The following TMEM43 variants were observed in gnomAD, a reference collection of about 807,000 sequenced individuals.
The protein encoded by TMEM43 is arrhythmogenic right ventricular dysplasia 5.
TMEM43 carries 45 observed loss-of-function variants against 49.6 expected under a neutral mutation model. That is an observed-to-expected ratio of 0.91 (90% CI 0.71 to 1.16). The LOEUF (loss-of-function observed/expected upper bound fraction) is 1.16. Among genes scored for constraint, TMEM43 ranks in the 50% most tolerant of loss-of-function variants. The pLI, the probability that TMEM43 is intolerant of heterozygous loss-of-function variation, is 0.00. For missense variants in TMEM43, 532 were observed against 516.6 expected (o/e 1.03, Z -0.29); for synonymous variants, 199 against 207.8 (o/e 0.96, Z 0.36).
intron 11 of TMEM43, among the ~76,000 whole-genome samples, chr3:14,140,710 G>A (rs1695235767): frequency 6.6e-6 from 1 of 152,206 alleles, no homozygotes; most frequent in Non-Finnish European, 1.5e-5. Context: ...TTACAGGGTG[G>A]GCATGAGTGC....
At chr3:14,131,070 C>A in intron 3 of TMEM43, 114 bp downstream of exon 3, 3 of 1,324,128 alleles carry the variant, frequency 2.3e-6, no homozygotes, top group Non-Finnish European at 3.1e-6. Context: ...GGGAGTGATT[C>A]CCGACTTTAC....
intron 3 of TMEM43, 149 bp downstream of exon 3, chr3:14,131,105 C>G: frequency 1.0e-6 from 1 of 986,694 alleles, no homozygotes; most frequent in East Asian, 2.6e-5. Flanking sequence ...GTGGACTTGT[C>G]TATCCTGAGT....
At chr3:14,139,382 C>G in intron 11 of TMEM43, 85 bp downstream of exon 11, 1 of 971,144 alleles carries the variant, frequency 1.0e-6, no homozygotes, top group Non-Finnish European at 1.7e-6. Flanking sequence ...GCCCTTCCAG[C>G]CTGATGGGAT....
chr3:14,128,710 G>C (rs534470055), intron 1 of TMEM43: 15 of 282,720 alleles, frequency 5.3e-5, no homozygotes, highest in South Asian at 4.7e-4. Context: ...TTGTAAAATA[G>C]CTTGGCAGTT....
chr3:14,128,856 C>A, intron 1 of TMEM43: 1 of 435,372 alleles, frequency 2.3e-6, no homozygotes, highest in Non-Finnish European at 4.6e-6. Context: ...TCATAACAGC[C>A]AAAACCTGGA....
chr3:14,132,908 A>G lies in TMEM43; in HGVS notation c.485A>G (p.Asp162Gly), dbSNP rs1312639832. The G allele has an allele frequency of 1.2e-6, 2 of 1,614,024 alleles. No individual in the cohort carries two copies. Among genetic ancestry groups the G allele is most frequent in the Non-Finnish European group, 1.7e-6 (2 of 1,179,948 alleles). The change falls in exon 6 of 12, where the codon GAC becomes GGC. Residue 162 changes from aspartate to glycine, a missense_variant. Physicochemically the swap from Asp to Gly is moderately conservative, Grantham distance 94. Transcript: ENST00000306077. ...GAAATCATCAACAGCAAAAACTTCG[A>G]CCGAGAGATTGGCCACAAAAACCCC... ...RSEIINSKNF[D>G]REIGHKNPSA...
intron 1 of TMEM43, among the ~76,000 whole-genome samples, chr3:14,127,228 A>G (rs1045101955): frequency 6.6e-6 from 1 of 152,060 alleles, no homozygotes; most frequent in Non-Finnish European, 1.5e-5. Context: ...ATGATCCTCC[A>G]TGTTTACTGG....
intron 2 of TMEM43, among the ~76,000 whole-genome samples, chr3:14,130,442 C>A (rs1188665986): frequency 2.0e-5 from 3 of 151,988 alleles, no homozygotes; most frequent in Non-Finnish European, 4.4e-5. Context: ...TCGAAAGCAG[C>A]CTGGGCAACA....
In TMEM43 at chr3:14,142,644, T is replaced by C. The variant is rs886058034; in HGVS notation, c.*849T>C. 2 of 152,522 alleles carry C rather than the reference T, an allele frequency of 1.3e-5. No homozygotes were observed. The highest frequency in any genetic ancestry group is 4.8e-5 in the African/African-American group (2 of 41,390). 9.4% of individuals were successfully genotyped at this position (152,522 alleles called of 1,614,324 possible). On this transcript the variant is annotated 3_prime_UTR_variant, in exon 12 of 12. Coordinates refer to ENST00000306077, the MANE Select transcript of TMEM43 (RefSeq NM_024334.3). ...CAGTTGAATTCAGAGCACTGAAAGG[T>C]GTTAAATTGGGGTATGTGGTTTGAT... is the stretch of plus-strand genomic sequence containing the variant.
chr3:14,125,054 A>C lies in TMEM43; in HGVS notation c.-140A>C. 1 of 1,091,436 alleles carries C rather than the reference A, an allele frequency of 9.2e-7. No individual in the cohort carries two copies. Among genetic ancestry groups the C allele is most frequent in the Non-Finnish European group, 1.4e-6 (1 of 734,964 alleles). 67.6% of individuals were successfully genotyped at this position (1,091,436 alleles called of 1,614,324 possible). ...ACTGGGCACAGGGGGAGGTAACTGC[A>C]GTAAGTCCCGCTTGGCCCTGGAGTC... On this transcript the variant is annotated 5_prime_UTR_variant, in exon 1 of 12. Transcript: ENST00000306077.
chr3:14,131,522 T>G, intron 3 of TMEM43, 58 bp from the exon 4 acceptor site: 1 of 1,468,880 alleles, frequency 6.8e-7, no homozygotes, highest in Non-Finnish European at 9.5e-7. Flanking sequence ...AGCCAGGCTT[T>G]CTGGGCTGAC....
At chr3:14,133,542 C>G (rs1695124308) in intron 6 of TMEM43, among the ~76,000 whole-genome samples, 197 bp from the exon 7 acceptor site, 1 of 152,158 alleles carries the variant, frequency 6.6e-6, no homozygotes, top group African/African-American at 2.4e-5. Context: ...GAACAGGAGA[C>G]AGAGTGAGGG....
intron 5 of TMEM43, 45 bp from the exon 6 acceptor site, chr3:14,132,821 T>C (rs1283364343): frequency 3.8e-6 from 6 of 1,590,442 alleles, no homozygotes; most frequent in Non-Finnish European, 5.2e-6. Context: ...CTCAGCCGCG[T>C]GCCACTCCTA....
intron 1 of TMEM43, 78 bp from the exon 2 acceptor site, chr3:14,129,334 A>AATTT: frequency 1.6e-5 from 14 of 849,676 alleles, no homozygotes; most frequent in Non-Finnish European, 2.0e-5. Context: ...AAAAAAAAAA[A>AATTT]TTGAGTATAA....
At chr3:14,132,681 G>A in intron 5 of TMEM43, 86 bp downstream of exon 5, 3 of 1,522,996 alleles carry the variant, frequency 2.0e-6, no homozygotes, top group Non-Finnish European at 2.7e-6. Flanking sequence ...GTGGGGCCAT[G>A]GGAAGGATTC....
At chr3:14,139,366 A>C in intron 11 of TMEM43, 69 bp downstream of exon 11, 1 of 1,124,288 alleles carries the variant, frequency 8.9e-7, no homozygotes, top group South Asian at 1.2e-5. Flanking sequence ...CTGTCGCATC[A>C]TCTCAGCCCT....
chr3:14,141,567 C>G, intron 11 of TMEM43, 26 bp from the exon 12 acceptor site: 6 of 1,605,230 alleles, frequency 3.7e-6, no homozygotes, highest in Non-Finnish European at 5.1e-6. Context: ...GCAGGTGGCA[C>G]CTCATCACCT....
rs2124981696 is a variant in TMEM43, at chr3:14,125,142, C to T, written c.-52C>T. ...CTGGACACCACGCTCCAGTCGTCAG[C>T]CCACTTCCTAGCTGAACAGCGCGAG... is the stretch of plus-strand genomic sequence containing the variant. On this transcript the variant is annotated 5_prime_UTR_variant, in exon 1 of 12. Coordinates refer to ENST00000306077, the MANE Select transcript of TMEM43 (RefSeq NM_024334.3). 2.5e-6 allele frequency: 4 copies of T among 1,606,794 alleles called. No homozygotes were observed. The Admixed American group carries it at 5.0e-5, about 20-fold the overall frequency.
Position 14,132,919 on chromosome 3 carries a change from G to C in TMEM43, c.496G>C (p.Gly166Arg), listed in dbSNP as rs1354385104. The C allele has an allele frequency of 6.2e-7, 1 of 1,613,954 alleles. No homozygotes were observed. Among genetic ancestry groups the C allele is most frequent in the South Asian group, 1.1e-5 (1 of 91,036 alleles). ...INSKNFDREIGHKNPSAMAVE... is the reference protein window; with the variant it reads ...INSKNFDREIRHKNPSAMAVE... ...CAGCAAAAACTTCGACCGAGAGATTGGCCACAAAAACCCCAGGTGAGAGCC... is the reference window on the plus strand; with the variant it reads ...CAGCAAAAACTTCGACCGAGAGATTCGCCACAAAAACCCCAGGTGAGAGCC... The change falls in exon 6 of 12, where the codon GGC becomes CGC. Residue 166 changes from glycine (G) to arginine (R), a missense_variant. Physicochemically the swap from Gly to Arg is moderately radical, Grantham distance 125. Transcript: ENST00000306077.
Sources: allele counts gnomAD v4.1 joint callset (sites outside exome capture counted in the v4.1 genomes callset), GRCh38; gene constraint gnomAD v4.1.1; transcripts MANE v1.5; gene names NCBI Gene and HGNC (gene_info 2026-07-23, HGNC 2026-07-21).